Variants in TPCN2 observed in about 807,000 individuals in gnomAD.
The protein encoded by TPCN2 is two pore channel protein 2.
A neutral mutation model predicts 111.4 loss-of-function variants in TPCN2; 92 were observed. That is an observed-to-expected ratio of 0.83 (90% CI 0.70 to 0.98). The LOEUF is 0.98. TPCN2 is among the 50% of genes least tolerant of loss of function. The pLI, the probability that TPCN2 is intolerant of heterozygous loss-of-function variation, is 0.00. For missense variants in TPCN2, 995 were observed against 980.1 expected, an observed-to-expected ratio of 1.02 and a Z score of -0.20; for synonymous variants, 405 against 414.5, an observed-to-expected ratio of 0.98 and a Z score of 0.28.
chr11:69,080,048 G>A (rs927173552), intron 17 of TPCN2, among the ~76,000 whole-genome samples, 165 bp downstream of exon 17: 3 of 152,180 alleles, frequency 2.0e-5, no homozygotes, highest in Admixed American at 2.0e-4. Context: ...AGGCTGTGTC[G>A]GGGCAGGGCC....
At chr11:69,072,455 C>CG (rs903049096) in intron 11 of TPCN2, among the ~76,000 whole-genome samples, 172 bp from the exon 12 acceptor site, 32 of 152,036 alleles carry the variant, frequency 2.1e-4, no homozygotes, top group African/African-American at 7.5e-4. Context: ...TGCGCCTTCT[C>CG]GGGGGGACGG....
intron 5 of TPCN2, 37 bp from the exon 6 acceptor site, chr11:69,062,847 A>T (rs201147552): frequency 6.3e-7 from 1 of 1,595,622 alleles, no homozygotes; most frequent in Admixed American, 1.7e-5. Flanking sequence ...AGAACTAAGC[A>T]CTTGACGTGG....
chr11:69,063,115 CTGGTGA>C, intron 6 of TPCN2, 125 bp downstream of exon 6: 1 of 828,236 alleles, frequency 1.2e-6, no homozygotes. Context: ...CCCTGGCTGG[CTGGTGA>C]CGGTGTGGGG....
At chr11:69,076,648 C>G (rs1231939430) in intron 13 of TPCN2, among the ~76,000 whole-genome samples, 1 of 114,466 alleles carries the variant, frequency 8.7e-6, no homozygotes, top group Admixed American at 9.7e-5. Context: ...ACCTGCCCTC[C>G]TGCCGTGTCC....
At chr11:69,079,462 C>T (rs1855916838) in intron 16 of TPCN2, 1 of 287,102 alleles carries the variant, frequency 3.5e-6, no homozygotes, top group Admixed American at 4.8e-5. Flanking sequence ...TGAGGGCATG[C>T]CACACTTGGT....
rs992317498 is a variant in TPCN2, at chr11:69,053,906, G to A, written c.110-127G>A. ...GGTACATGCAGCCCCACTGCCGGGT[G>A]GAGTCATCTCTTTACAAACGGCCTT... On this transcript the variant is annotated intron_variant, in intron 1 of 24. Transcript: ENST00000294309. 3.4e-5 allele frequency: 26 copies of A among 764,854 alleles called. No individual in the cohort carries two copies. The African/African-American group carries it at 3.9e-4, about 12-fold the overall frequency. 47.4% of individuals were successfully genotyped at this position (764,854 alleles called of 1,614,324 possible). A position where few individuals can be genotyped will look rare whatever the true frequency, so the allele number is the denominator to read the frequency against.
At position 69,090,336 on chromosome 11, in the gene TPCN2, G is replaced by A. The variant is rs1261256358; in HGVS notation, c.*2383G>A. 6.6e-6 allele frequency: 1 copy of A among 152,090 alleles called. No homozygotes were observed. The highest frequency in any genetic ancestry group is 1.5e-5 in the Non-Finnish European group (1 of 68,046). The allele number at this position is 152,090 out of a possible 1,614,324, so 9.4% of individuals were successfully genotyped here. On this transcript the variant is annotated 3_prime_UTR_variant, in exon 25 of 25. Coordinates refer to ENST00000294309, the MANE Select transcript of TPCN2 (RefSeq NM_139075.4). Reference sequence around the variant, plus strand: ...CTCATTCTCCTTAATCTATTATTGGGTCAGTTTTCCTGCATGTCCCCAGCC... The same window carrying A: ...CTCATTCTCCTTAATCTATTATTGGATCAGTTTTCCTGCATGTCCCCAGCC...
At chr11:69,070,139 C>G (rs1426325771) in intron 8 of TPCN2, among the ~76,000 whole-genome samples, 2 of 152,100 alleles carry the variant, frequency 1.3e-5, no homozygotes, top group Non-Finnish European at 2.9e-5. Flanking sequence ...ATTCTCCTGC[C>G]TCAGCCTCCC....
chr11:69,050,402 G>T (rs1256634551), intron 1 of TPCN2, among the ~76,000 whole-genome samples: 1 of 152,186 alleles, frequency 6.6e-6, no homozygotes, highest in Non-Finnish European at 1.5e-5. Flanking sequence ...TTGAGATGGA[G>T]TATCACTCTG....
chr11:69,059,493 G>C (rs992651347), intron 5 of TPCN2, among the ~76,000 whole-genome samples: 1 of 152,236 alleles, frequency 6.6e-6, no homozygotes, highest in Non-Finnish European at 1.5e-5. Context: ...AGTGGGTCCT[G>C]GCTGGGGGAG....
chr11:69,073,150 T>C (rs1223887491), intron 13 of TPCN2, 149 bp downstream of exon 13: 1 of 604,812 alleles, frequency 1.7e-6, no homozygotes, highest in Non-Finnish European at 2.9e-6. Flanking sequence ...GGAATGGAGT[T>C]CTCTTTGGCT....
chr11:69,063,504 C>T (rs926897030), intron 6 of TPCN2, among the ~76,000 whole-genome samples: 3 of 152,112 alleles, frequency 2.0e-5, no homozygotes, highest in Non-Finnish European at 2.9e-5. Flanking sequence ...TGGTCCCGAT[C>T]CCCTGCCGCC....
In TPCN2 at chr11:69,052,306, CG is replaced by C. The variant is rs150159561; in HGVS notation, c.110-1725del. 5.2e-3 allele frequency among the ~76,000 whole-genome samples: 794 copies of C among 152,198 alleles called. 7 individuals are homozygous for C. The highest frequency in any genetic ancestry group is 0.018 in the African/African-American group (751 of 41,506). On this transcript the variant is annotated intron_variant, in intron 1 of 24. Coordinates refer to ENST00000294309, the MANE Select transcript of TPCN2 (RefSeq NM_139075.4). Reference sequence around the variant, plus strand: ...GGTAAGGTGGGGCCTCTCAGATCACCGGCCCCCCAGGCTCCCCTCAGGGCTG... The same window carrying C: ...GGTAAGGTGGGGCCTCTCAGATCACCGCCCCCCAGGCTCCCCTCAGGGCTG...
At chr11:69,067,688 C>A (rs1855331996) in intron 8 of TPCN2, 83 bp downstream of exon 8, 1 of 1,265,376 alleles carries the variant, frequency 7.9e-7, no homozygotes, top group Non-Finnish European at 1.1e-6. Flanking sequence ...GCCTTAGAAC[C>A]CAGTGGGAGT....
At chr11:69,071,446 G>C (rs1180302492) in intron 10 of TPCN2, 26 bp downstream of exon 10, 1 of 1,606,504 alleles carries the variant, frequency 6.2e-7, no homozygotes, top group Admixed American at 1.7e-5. Context: ...AATGCTGGCT[G>C]TGCCTGGAGC....
At chr11:69,061,553 T>C in intron 5 of TPCN2, among the ~76,000 whole-genome samples, 1 of 151,884 alleles carries the variant, frequency 6.6e-6, no homozygotes, top group East Asian at 1.9e-4. Context: ...GGGGGCAGGG[T>C]GCCCAGCACA....
chr11:69,079,782 C>A, intron 16 of TPCN2, 52 bp from the exon 17 acceptor site: 1 of 1,549,914 alleles, frequency 6.5e-7, no homozygotes, highest in Non-Finnish European at 8.9e-7. Flanking sequence ...CTTTAAGGGC[C>A]GCCCAGATTA....
At chr11:69,070,651 A>G (rs1412179314) in intron 9 of TPCN2, among the ~76,000 whole-genome samples, 156 bp downstream of exon 9, 3 of 149,914 alleles carry the variant, frequency 2.0e-5, no homozygotes, top group East Asian at 4.0e-4. Flanking sequence ...TTAACCCCAG[A>G]GATCCCCCAC....
Position 69,087,319 on chromosome 11 carries a change from G to A in TPCN2, c.2180+113G>A, listed in dbSNP as rs574336880. 89 of 871,010 alleles carry A rather than the reference G, an allele frequency of 1.0e-4. 1 individual carries two copies. The highest frequency in any genetic ancestry group is 9.2e-4 in the South Asian group (59 of 64,408). 54.0% of individuals were successfully genotyped at this position (871,010 alleles called of 1,614,324 possible). A position where few individuals can be genotyped will look rare whatever the true frequency, so the allele number is the denominator to read the frequency against. On this transcript the variant is annotated intron_variant, in intron 24 of 24. Transcript: ENST00000294309. ...GCCCTGATGACTGTCCTCCCCCTCC[G>A]CCCGGTTATCTGGCTTTGGTCCTGT...
Sources: allele counts gnomAD v4.1 joint callset (sites outside exome capture counted in the v4.1 genomes callset), GRCh38; gene constraint gnomAD v4.1.1; transcripts MANE v1.5; gene names NCBI Gene and HGNC (gene_info 2026-07-23, HGNC 2026-07-21).